Variants in COL5A1 observed in about 807,000 individuals in gnomAD.
The protein encoded by COL5A1 is collagen alpha-1(V) chain.
A neutral mutation model predicts 263.7 loss-of-function variants in COL5A1; 16 were observed. That is an observed-to-expected ratio of 0.06 (90% CI 0.04 to 0.09). COL5A1 has a LOEUF of 0.09. Ranked by LOEUF, COL5A1 falls within the 10% of genes least tolerant of loss-of-function variation. The probability of loss-of-function intolerance (pLI) is 1.00; values close to 1 mark genes in which losing one functional copy is unlikely to be tolerated. For missense variants in COL5A1, 2,036 were observed against 2,540.5 expected (o/e 0.80, Z 4.27); for synonymous variants, 1,012 against 1,004.5 (o/e 1.01, Z -0.14).
chr9:134,793,174 G>A (rs546893327), intron 32 of COL5A1, among the ~76,000 whole-genome samples: 21 of 151,856 alleles, frequency 1.4e-4, no homozygotes, highest in African/African-American at 3.9e-4. Flanking sequence ...GCCCCTTCCC[G>A]GGAAGGGGGA....
chr9:134,798,971 C>T (rs558017131), intron 37 of COL5A1, among the ~76,000 whole-genome samples: 1 of 152,220 alleles, frequency 6.6e-6, no homozygotes, highest in Non-Finnish European at 1.5e-5. Flanking sequence ...ACCCCACCCA[C>T]GTTCACCCGG....
intron 1 of COL5A1, among the ~76,000 whole-genome samples, chr9:134,650,687 C>T (rs1831649433): frequency 6.6e-6 from 1 of 152,252 alleles, no homozygotes; most frequent in South Asian, 2.1e-4. Flanking sequence ...AGGGCCAGCC[C>T]TTTGGGATGC....
Position 134,754,082 on chromosome 9 carries a change from T to C in COL5A1, c.1773+179T>C, listed in dbSNP as rs1164677854. Among the ~76,000 whole-genome samples the C allele has an allele frequency of 1.3e-5, 2 of 152,156 alleles. No homozygotes were observed. Among genetic ancestry groups the C allele is most frequent in the Admixed American group, 1.3e-4 (2 of 15,284 alleles). ...TGAACTCTGACACCTGCGGCAGAAATGAGCTGGCTGTATTCTGTCCCTGGC... is the reference window on the plus strand; with the variant it reads ...TGAACTCTGACACCTGCGGCAGAAACGAGCTGGCTGTATTCTGTCCCTGGC... On this transcript the variant is annotated intron_variant, in intron 15 of 65. Coordinates refer to ENST00000371817, the MANE Select transcript of COL5A1 (RefSeq NM_000093.5). This position sits in a 1 kb window ranked among gnomAD's most constrained non-coding sequence, Gnocchi z 4.3.
intron 3 of COL5A1, 23 bp from the exon 4 acceptor site, chr9:134,701,148 C>T (rs769596714): frequency 3.1e-6 from 5 of 1,613,294 alleles, no homozygotes. Flanking sequence ...CAAGCCCTGT[C>T]TTCACCATCT....
intron 4 of COL5A1, chr9:134,708,457 C>T (rs753768349): frequency 4.6e-6 from 2 of 435,846 alleles, no homozygotes; most frequent in South Asian, 1.7e-5. Flanking sequence ...TGACACAGGA[C>T]ACTGTCACCC....
At position 134,690,980 on chromosome 9, in the gene COL5A1, G is replaced by A. The variant is rs1833257456; in HGVS notation, c.178G>A (p.Gly60Ser). 1.2e-6 allele frequency: 2 copies of A among 1,613,890 alleles called. No individual in the cohort carries two copies. The highest frequency in any genetic ancestry group is 1.7e-6 in the Non-Finnish European group (2 of 1,180,052). ...GCCTGATGGAATAACAAAGACAACAGGCTTTTGCGCCACGCGGCGATCTTC... is the reference window on the plus strand; with the variant it reads ...GCCTGATGGAATAACAAAGACAACAAGCTTTTGCGCCACGCGGCGATCTTC... Reference protein sequence around the residue: ...NLPDGITKTTGFCATRRSSKG... With the variant: ...NLPDGITKTTSFCATRRSSKG... The change falls in exon 2 of 66, where the codon GGC (glycine) becomes AGC (serine). Residue 60 changes from glycine (G) to serine (S), a missense_variant. Transcript: ENST00000371817.
In COL5A1 at chr9:134,696,020, G is replaced by A. The variant is rs1202708589; in HGVS notation, c.278-3889G>A. ...GGGCCTGCCATGCTCCCCTTAGCCC[G>A]GCCCCTCCTGGGCTGCCAGGGTCCA... On this transcript the variant is annotated intron_variant, in intron 2 of 65. Transcript: ENST00000371817. The surrounding 1 kb of genome is among the most constrained non-coding windows in gnomAD (Gnocchi z 4.3). Among the ~76,000 whole-genome samples, 55 of 152,048 alleles carry A rather than the reference G, an allele frequency of 3.6e-4. No individual in the cohort carries two copies. Among genetic ancestry groups the A allele is most frequent in the South Asian group, 4.1e-4 (2 of 4,820 alleles).
chr9:134,688,304 C>A (rs1040730441), intron 1 of COL5A1, among the ~76,000 whole-genome samples: 1 of 152,146 alleles, frequency 6.6e-6, no homozygotes, highest in Admixed American at 6.5e-5. Flanking sequence ...TCCAGGAAGC[C>A]CCGGCCGGGA....
intron 1 of COL5A1, among the ~76,000 whole-genome samples, chr9:134,671,358 C>T (rs1451611426): frequency 1.3e-5 from 2 of 152,182 alleles, no homozygotes; most frequent in Non-Finnish European, 2.9e-5. Context: ...TCTCTGGGAT[C>T]TCGCACAGTA....
chr9:134,708,146 G>C (rs3109687), intron 4 of COL5A1, among the ~76,000 whole-genome samples: 1 of 152,028 alleles, frequency 6.6e-6, no homozygotes, highest in Non-Finnish European at 1.5e-5. Context: ...GGGCACATTT[G>C]GGGGGCTGGC....
rs1280418307 is a variant in COL5A1 at position 134,741,856 on chromosome 9, C to G, written c.1494+3048C>G. Among the ~76,000 whole-genome samples, 2 of 152,156 alleles carry G rather than the reference C, an allele frequency of 1.3e-5. No homozygotes were observed. Among genetic ancestry groups the G allele is most frequent in the Non-Finnish European group, 2.9e-5 (2 of 68,024 alleles). ...TCCCAACCTCCCGCCTTGGGCTTCCCCAGCCCTTCCTCCCTTCCCCAAGGG... is the reference window on the plus strand; with the variant it reads ...TCCCAACCTCCCGCCTTGGGCTTCCGCAGCCCTTCCTCCCTTCCCCAAGGG... On this transcript the variant is annotated intron_variant, in intron 11 of 65. Transcript: ENST00000371817. This position sits in a 1 kb window ranked among gnomAD's most constrained non-coding sequence, Gnocchi z 4.5.
intron 4 of COL5A1, among the ~76,000 whole-genome samples, chr9:134,701,784 A>C (rs3128585): frequency 0.51 from 76,976 of 152,020 alleles, 19,845 homozygotes; most frequent in Admixed American, 0.63. Context: ...GTGCCGACCC[A>C]ACTCGGGCTG....
rs3124308 is a variant in COL5A1, at chr9:134,730,187, A to G, written c.925-49A>G. ...TGCGGCAAGTCCCAGACCTGGCACC[A>G]CTGCCGGCCTCCGCCCTGACTCCAG... On this transcript the variant is annotated intron_variant, in intron 6 of 65. Transcript: ENST00000371817. 0.44 allele frequency: 710,345 copies of G among 1,602,426 alleles called. 162,486 individuals are homozygous for G. The highest frequency in any genetic ancestry group is 0.66 in the Admixed American group (39,741 of 59,940).
intron 1 of COL5A1, among the ~76,000 whole-genome samples, chr9:134,672,864 G>A (rs1033343820): frequency 6.6e-6 from 1 of 152,156 alleles, no homozygotes; most frequent in African/African-American, 2.4e-5. Context: ...TGTATTTCTA[G>A]ATACTAGCAA....
In COL5A1 at chr9:134,814,018, G is replaced by A. The variant is rs375631252; in HGVS notation, c.3888G>A (p.Pro1296=). 8.6e-5 allele frequency: 133 copies of A among 1,550,728 alleles called. No homozygotes were observed. The highest frequency in any genetic ancestry group is 5.7e-4 in the African/African-American group (42 of 73,070). The change falls in exon 49 of 66, where the codon CCG becomes CCA. Residue 1296 remains proline, a synonymous_variant. Coordinates refer to ENST00000371817, the MANE Select transcript of COL5A1 (RefSeq NM_000093.5). ...GCGAAGCAGGTGAGCCTGGCCTTCC[G>A]GGAGAAGGCGGCCCCCCGGTGAGTG... ...EPGEAGEPGL[P]GEGGPPGPKG...
intron 64 of COL5A1, 26 bp downstream of exon 64, chr9:134,830,070 G>T: frequency 6.2e-7 from 1 of 1,613,722 alleles, no homozygotes; most frequent in South Asian, 1.1e-5. Flanking sequence ...GCGTCTTTGC[G>T]GTTGTCACTT....
chr9:134,724,694 G>T (rs1012151224), intron 4 of COL5A1, among the ~76,000 whole-genome samples: 2 of 152,176 alleles, frequency 1.3e-5, no homozygotes, highest in Non-Finnish European at 2.9e-5. Context: ...AGGGTGACTC[G>T]CCAGGGTCAG....
At chr9:134,714,361 TGTG>T (rs1284250816) in intron 4 of COL5A1, among the ~76,000 whole-genome samples, 2 of 149,770 alleles carry the variant, frequency 1.3e-5, no homozygotes, top group African/African-American at 2.5e-5. Flanking sequence ...ATAACAGTGG[TGTG>T]GTGGTAATGG....
Position 134,806,229 on chromosome 9 carries a change from C to G in COL5A1, c.3299C>G (p.Pro1100Arg). The G allele has an allele frequency of 6.4e-7, 1 of 1,550,586 alleles. No individual in the cohort carries two copies. ...AGAGGTCCAGCTGGAGCCGCTGGGC[C>G]CATCGGAATTCCAGGGAGACCTGGG... ...GERGPAGAAG[P>R]IGIPGRPGPQ... Residue 1100 changes from proline (P) to arginine (R), a missense_variant, in exon 42 of 66, where the codon CCC becomes CGC. Pro to Arg is a moderately radical substitution (Grantham distance 103). Transcript: ENST00000371817.
Sources: allele counts gnomAD v4.1 joint callset (sites outside exome capture counted in the v4.1 genomes callset), GRCh38; gene constraint gnomAD v4.1.1; non-coding constraint Gnocchi (gnomAD v3.1); transcripts MANE v1.5; gene names NCBI Gene and HGNC (gene_info 2026-07-23, HGNC 2026-07-21).